Variants in DNAH8 observed in about 807,000 individuals in gnomAD.
DNAH8 encodes dynein axonemal heavy chain 8.
DNAH8 carries 382 observed loss-of-function variants against 562.1 expected under a neutral mutation model. The ratio of observed to expected loss-of-function variants is 0.68; its 90% confidence interval spans 0.63 to 0.74. DNAH8 has a LOEUF of 0.74. DNAH8 is among the 30% of genes least tolerant of loss of function. The pLI is 0.00. For synonymous variants in DNAH8, 1,881 were observed against 1,919.4 expected, an observed-to-expected ratio of 0.98 and a Z score of 0.52; for missense variants, 5,203 against 5,620.4, an observed-to-expected ratio of 0.93 and a Z score of 2.37.
rs373062765 is a variant in DNAH8, at chr6:38,917,423, A to G, written c.10308+17A>G. 278 of 1,608,874 alleles carry G rather than the reference A, an allele frequency of 1.7e-4. No homozygotes were observed. The highest frequency in any genetic ancestry group is 2.2e-4 in the Non-Finnish European group (255 of 1,176,480). ...TCATTAAAGGTAAGTAAAATCTATC[A>G]TTGTCAATCCTATGAGCTGCATCAG... On this transcript the variant is annotated intron_variant, in intron 69 of 92. Transcript: ENST00000327475.
intron 30 of DNAH8, among the ~76,000 whole-genome samples, chr6:38,828,765 T>G (rs1773584929): frequency 6.6e-6 from 1 of 152,338 alleles, no homozygotes; most frequent in Admixed American, 6.5e-5. Context: ...GTTTACCATT[T>G]TAAAGCATAC....
At chr6:38,775,396 G>C (rs1222190328) in intron 12 of DNAH8, among the ~76,000 whole-genome samples, 2 of 152,178 alleles carry the variant, frequency 1.3e-5, no homozygotes, top group Admixed American at 1.3e-4. Context: ...CAGCATGGTG[G>C]AGCTTTTGAG....
intron 82 of DNAH8, among the ~76,000 whole-genome samples, chr6:38,967,243 T>TA (rs983699228): frequency 2.0e-5 from 3 of 152,052 alleles, no homozygotes; most frequent in African/African-American, 7.2e-5. Context: ...TGTCTACTCT[T>TA]ACGACTTTTA....
intron 92 of DNAH8, 26 bp from the exon 93 acceptor site, chr6:39,030,079 T>C (rs776958634): frequency 4.0e-5 from 64 of 1,590,142 alleles, no homozygotes; most frequent in Non-Finnish European, 5.5e-5. Flanking sequence ...AAATAAATCC[T>C]ATTACCTTAT....
chr6:38,715,639 C>T (rs1208232217), intron 1 of DNAH8, among the ~76,000 whole-genome samples: 1 of 152,094 alleles, frequency 6.6e-6, no homozygotes, highest in Admixed American at 6.5e-5. Context: ...AGTGACTTCA[C>T]ACCCACTCCC....
At chr6:38,778,913 A>G (rs554627899) in intron 14 of DNAH8, among the ~76,000 whole-genome samples, 1 of 152,360 alleles carries the variant, frequency 6.6e-6, no homozygotes, top group South Asian at 2.1e-4. Flanking sequence ...TAAGGTGTAT[A>G]ACATGATATT....
chr6:38,925,693 C>A (rs905756963), intron 73 of DNAH8, among the ~76,000 whole-genome samples: 2 of 152,116 alleles, frequency 1.3e-5, no homozygotes, highest in African/African-American at 4.8e-5. Flanking sequence ...GGCTAATTGC[C>A]TGGGACTTAC....
In DNAH8 at chr6:38,831,108, A is replaced by C. The variant is rs991114938; in HGVS notation, c.4189-1214A>C. Reference sequence around the variant, plus strand: ...TCTCTGTTGAGGTTTAGTGAAACCCAGTTTTCTGCTATTATATCAATGGAA... The same window carrying C: ...TCTCTGTTGAGGTTTAGTGAAACCCCGTTTTCTGCTATTATATCAATGGAA... On this transcript the variant is annotated intron_variant, in intron 30 of 92. Coordinates refer to ENST00000327475, the MANE Select transcript of DNAH8 (RefSeq NM_001206927.2). 3.9e-5 allele frequency among the ~76,000 whole-genome samples: 6 copies of C among 152,290 alleles called. No homozygotes were observed. The South Asian group carries it at 1.0e-3, about 26-fold the overall frequency.
chr6:38,870,325 A>G (rs1777370143), intron 48 of DNAH8, 76 bp from the exon 49 acceptor site: 2 of 1,321,116 alleles, frequency 1.5e-6, no homozygotes, highest in African/African-American at 1.4e-5. Flanking sequence ...AGTGATAAGT[A>G]CTATGCACAT....
intron 62 of DNAH8, 31 bp downstream of exon 62, chr6:38,899,937 C>A: frequency 1.3e-6 from 2 of 1,484,028 alleles, no homozygotes; most frequent in Non-Finnish European, 1.8e-6. Context: ...ATATGTTTTT[C>A]TATAGTTAAT....
chr6:38,826,299 C>T lies in DNAH8; in HGVS notation c.3991C>T (p.Arg1331Cys), dbSNP rs200947240. 1.4e-5 allele frequency: 22 copies of T among 1,612,896 alleles called. No homozygotes were observed. The highest frequency in any genetic ancestry group is 1.6e-4 in the Middle Eastern group (1 of 6,080). Residue 1331 changes from arginine (R) to cysteine (C), a missense_variant, in exon 29 of 93, where the codon CGT becomes TGT. Around this residue, in one of 6 missense-constraint regions of DNAH8, gnomAD observed 2,176 missense variants for 2,365.1 expected, o/e 0.92. Coordinates refer to ENST00000327475, the MANE Select transcript of DNAH8 (RefSeq NM_001206927.2). Reference protein sequence around the residue: ...EYLKKLSRPIRDLDDVRFAME... With the variant: ...EYLKKLSRPICDLDDVRFAME... ...CTTGAAAAAGTTATCTAGACCTATTCGTGATTTAGATGATGTCAGATTTGC... is the reference window on the plus strand; with the variant it reads ...CTTGAAAAAGTTATCTAGACCTATTTGTGATTTAGATGATGTCAGATTTGC...
chr6:38,774,220 GAGAGA>G (rs1409108462), intron 12 of DNAH8, among the ~76,000 whole-genome samples: 1 of 152,126 alleles, frequency 6.6e-6, no homozygotes, highest in Non-Finnish European at 1.5e-5. Flanking sequence ...ACATTTGTGG[GAGAGA>G]AGAGAAAAGG....
intron 8 of DNAH8, among the ~76,000 whole-genome samples, chr6:38,743,499 T>A (rs1159533424): frequency 6.6e-6 from 1 of 152,184 alleles, no homozygotes; most frequent in Admixed American, 6.5e-5. Flanking sequence ...TGGAACATTT[T>A]CATCACCTCA....
intron 82 of DNAH8, among the ~76,000 whole-genome samples, chr6:38,960,465 T>G (rs1583459828): frequency 6.7e-6 from 1 of 148,224 alleles, no homozygotes; most frequent in African/African-American, 2.5e-5. Context: ...GGACAAGAGA[T>G]CCAAACAGAC....
In DNAH8 at chr6:38,919,978, A is replaced by G. The variant is rs367586463; in HGVS notation, c.10525-1391A>G. ...GAAAAGCAGCAGAATTAATGAGCAA[A>G]TCTAAGAACCTATGCTTTGCAAAAA... On this transcript the variant is annotated intron_variant, in intron 70 of 92. Coordinates refer to ENST00000327475, the MANE Select transcript of DNAH8 (RefSeq NM_001206927.2). Among the ~76,000 whole-genome samples, 177 of 152,360 alleles carry G rather than the reference A, an allele frequency of 1.2e-3. 6 individuals carry two copies. The South Asian group carries it at 0.035, about 30-fold the overall frequency.
chr6:38,722,254 G>C (rs916000818), intron 1 of DNAH8, among the ~76,000 whole-genome samples: 2 of 152,150 alleles, frequency 1.3e-5, no homozygotes, highest in African/African-American at 4.8e-5. Context: ...ATGCTTTTAT[G>C]GTAGATGAGA....
chr6:38,863,849 C>T (rs1776830157), intron 44 of DNAH8, 24 bp from the exon 45 acceptor site: 1 of 1,564,194 alleles, frequency 6.4e-7, no homozygotes, highest in African/African-American at 1.4e-5. Context: ...TAAAACTTTA[C>T]AAATTAACTG....
chr6:38,733,245 G>T (rs556229524), intron 4 of DNAH8, among the ~76,000 whole-genome samples: 1 of 86,818 alleles, frequency 1.2e-5, no homozygotes, highest in East Asian at 2.0e-4. Flanking sequence ...CAAATAGAAG[G>T]CTGTTGATTT....
intron 82 of DNAH8, among the ~76,000 whole-genome samples, chr6:38,963,453 C>T (rs565759633): frequency 8.1e-6 from 1 of 124,162 alleles, no homozygotes. Context: ...CAACCTCTGC[C>T]TCCTGGGTTC....
Sources: gnomAD v4.1 joint callset for allele counts (sites outside exome capture counted in the v4.1 genomes callset) on GRCh38, gnomAD v4.1.1 for gene constraint, gnomAD v4.1.1 regional missense constraint, MANE v1.5 for transcripts, NCBI Gene and HGNC (gene_info 2026-07-23, HGNC 2026-07-21) for gene names.